Variants in LPCAT3 observed in about 807,000 individuals in gnomAD.
LPCAT3 encodes the protein lysophospholipid acyltransferase 5.
LPCAT3 carries 21 observed loss-of-function variants against 63.4 expected under a neutral mutation model. That is an observed-to-expected ratio of 0.33 (90% CI 0.23 to 0.48). LPCAT3 has a LOEUF of 0.48. LPCAT3 is among the 20% of genes least tolerant of loss of function. LPCAT3 has a pLI of 0.99. For synonymous variants in LPCAT3, 242 were observed against 227.5 expected, an observed-to-expected ratio of 1.06 and a Z score of -0.58; for missense variants, 451 against 590.6, an observed-to-expected ratio of 0.76 and a Z score of 2.45.
chr12:7,004,961 A>G (rs782503678), intron 1 of LPCAT3, among the ~76,000 whole-genome samples: 4 of 152,018 alleles, frequency 2.6e-5, no homozygotes, highest in Non-Finnish European at 4.4e-5. Flanking sequence ...CATTTTTTTA[A>G]GTGTACAATT....
At chr12:7,011,091 A>G (rs782592547) in intron 1 of LPCAT3, among the ~76,000 whole-genome samples, 12 of 152,218 alleles carry the variant, frequency 7.9e-5, no homozygotes, top group South Asian at 4.2e-4. Context: ...TCTTGGCTCA[A>G]TGCAGCCTCA....
At chr12:6,980,924 G>A in intron 6 of LPCAT3, 80 bp downstream of exon 6, 4 of 1,392,660 alleles carry the variant, frequency 2.9e-6, no homozygotes, top group Non-Finnish European at 1.9e-6. Context: ...GGGTCATGCT[G>A]GAGAATGCAG....
intron 8 of LPCAT3, 28 bp from the exon 9 acceptor site, chr12:6,978,535 C>T (rs781846950): frequency 6.2e-7 from 1 of 1,611,976 alleles, no homozygotes; most frequent in Non-Finnish European, 8.5e-7. Context: ...AGTTAGGGCT[C>T]TTGCCACTCC....
At chr12:7,000,415 G>A (rs1467735560) in intron 1 of LPCAT3, among the ~76,000 whole-genome samples, 4 of 149,316 alleles carry the variant, frequency 2.7e-5, no homozygotes, top group Non-Finnish European at 4.5e-5. Context: ...GTGACGCCCC[G>A]TCTCTACTAA....
chr12:6,977,282 T>C lies in LPCAT3; in HGVS notation c.1348-20A>G. On this transcript the variant is annotated intron_variant, in intron 11 of 12. Coordinates refer to ENST00000261407, the MANE Select transcript of LPCAT3 (RefSeq NM_005768.6). The surrounding 1 kb of genome is among the most constrained non-coding windows in gnomAD (Gnocchi z 4.5). ...ATACACCTGTGGAGAGAGAGGCCAC[T>C]AAGGTAGACAGGCCTGGAGTGTCCT... The C allele has an allele frequency of 6.2e-7, 1 of 1,611,018 alleles. No homozygotes were observed. Among genetic ancestry groups the C allele is most frequent in the Non-Finnish European group, 8.5e-7 (1 of 1,177,212 alleles).
At chr12:6,983,219 T>A (rs1555154370) in intron 2 of LPCAT3, 1 of 493,074 alleles carries the variant, frequency 2.0e-6, no homozygotes, top group African/African-American at 2.0e-5. Flanking sequence ...ATGGCAAGGG[T>A]AACCACCCTC....
chr12:7,001,303 A>C (rs926968335), intron 1 of LPCAT3: 35 of 395,402 alleles, frequency 8.9e-5, no homozygotes, highest in African/African-American at 7.1e-4. Flanking sequence ...TGTAAAACTT[A>C]TAGAAGATAT....
At chr12:6,981,960 T>G in intron 3 of LPCAT3, 56 bp from the exon 4 acceptor site, 4 of 891,960 alleles carry the variant, frequency 4.5e-6, no homozygotes, top group Non-Finnish European at 7.6e-6. Flanking sequence ...CTCCTTGCTC[T>G]GAAATTCAAT....
chr12:6,997,866 G>C (rs982078780), intron 1 of LPCAT3, among the ~76,000 whole-genome samples: 5 of 151,976 alleles, frequency 3.3e-5, no homozygotes, highest in African/African-American at 7.3e-5. Context: ...GATTACAGGC[G>C]AGAGCCACTG....
intron 1 of LPCAT3, among the ~76,000 whole-genome samples, chr12:6,986,665 C>A (rs1200915673): frequency 6.6e-6 from 1 of 151,876 alleles, no homozygotes; most frequent in Non-Finnish European, 1.5e-5. Context: ...CACCTGTAGT[C>A]CCAGCTACTC....
At chr12:7,014,802 A>G (rs1270567383) in intron 1 of LPCAT3, among the ~76,000 whole-genome samples, 2 of 151,058 alleles carry the variant, frequency 1.3e-5, no homozygotes, top group Non-Finnish European at 2.9e-5. Context: ...GCTGAGGAGG[A>G]GAACTGCTTG....
intron 2 of LPCAT3, 198 bp from the exon 3 acceptor site, chr12:6,982,980 CTTTT>C: frequency 1.5e-6 from 1 of 655,128 alleles, no homozygotes; most frequent in Non-Finnish European, 2.8e-6. Context: ...TATTTCTTTT[CTTTT>C]TTTGTTTGTT....
intron 1 of LPCAT3, among the ~76,000 whole-genome samples, chr12:7,016,704 G>T (rs1392551566): frequency 6.6e-6 from 1 of 152,202 alleles, no homozygotes; most frequent in Non-Finnish European, 1.5e-5. Flanking sequence ...AACACTAATT[G>T]CTAATTACAA....
chr12:7,007,684 A>G (rs781899651), intron 1 of LPCAT3, among the ~76,000 whole-genome samples: 2 of 151,566 alleles, frequency 1.3e-5, no homozygotes, highest in African/African-American at 2.4e-5. Flanking sequence ...TAGTAGAGAC[A>G]GGGTTTCACC....
In LPCAT3 at chr12:6,978,794, G is replaced by A. The variant is rs782165507; in HGVS notation, c.787-105C>T. The A allele has an allele frequency of 5.3e-5, 80 of 1,503,918 alleles. No homozygotes were observed. In the South Asian group the frequency reaches 9.9e-4, roughly 19 times the overall value. The allele number at this position is 1,503,918 out of a possible 1,614,324, so 93.2% of individuals were successfully genotyped here. ...GTGGCTGGCTACTTCATACCTGCCTGAGTCCTGCTGCCAGATGCCCTCAAT... is the reference window on the plus strand; with the variant it reads ...GTGGCTGGCTACTTCATACCTGCCTAAGTCCTGCTGCCAGATGCCCTCAAT... On this transcript the variant is annotated intron_variant, in intron 7 of 12. Coordinates refer to ENST00000261407, the MANE Select transcript of LPCAT3 (RefSeq NM_005768.6).
intron 1 of LPCAT3, among the ~76,000 whole-genome samples, chr12:7,003,749 C>T (rs1042055209): frequency 1.3e-5 from 2 of 151,012 alleles, no homozygotes; most frequent in Non-Finnish European, 2.9e-5. Context: ...GGTGAAACCC[C>T]GTCTCTATTA....
chr12:6,984,914 G>GT (rs1431791770), intron 1 of LPCAT3, among the ~76,000 whole-genome samples: 7 of 152,088 alleles, frequency 4.6e-5, no homozygotes, highest in African/African-American at 1.7e-4. Flanking sequence ...TTTAAATTAT[G>GT]TAACTGCAGT....
chr12:7,016,904 T>C (rs1555157660), intron 1 of LPCAT3, among the ~76,000 whole-genome samples: 1 of 152,224 alleles, frequency 6.6e-6, no homozygotes, highest in Admixed American at 6.5e-5. Context: ...AAAAAGGTGA[T>C]CTTTATTTGG....
chr12:7,003,778 C>T (rs1167672390), intron 1 of LPCAT3, among the ~76,000 whole-genome samples: 18 of 151,622 alleles, frequency 1.2e-4, no homozygotes, highest in East Asian at 3.9e-4. Context: ...AAAAATTAGC[C>T]GGGCGCGGTG....
Sources: allele counts gnomAD v4.1 joint callset (sites outside exome capture counted in the v4.1 genomes callset), GRCh38; gene constraint gnomAD v4.1.1; non-coding constraint Gnocchi (gnomAD v3.1); transcripts MANE v1.5; gene names NCBI Gene and HGNC (gene_info 2026-07-23, HGNC 2026-07-21).